POLD3: variants seen among roughly 807,000 people sequenced by gnomAD.
POLD3 encodes the protein DNA polymerase delta subunit 3.
Under a neutral mutation model 58.2 loss-of-function variants are expected in POLD3, and 19 were observed. The observed-to-expected ratio is 0.33, with a 90% CI of 0.23 to 0.48. The LOEUF is 0.48. Ranked by LOEUF, POLD3 falls within the 20% of genes least tolerant of loss-of-function variation. The pLI, the probability that POLD3 is intolerant of heterozygous loss-of-function variation, is 0.99. For synonymous variants in POLD3, 172 were observed against 193.5 expected (o/e 0.89, Z 0.92); for missense variants, 504 against 545.5 (o/e 0.92, Z 0.76).
At position 74,655,179 on chromosome 11, in the gene POLD3, A is replaced by G. The variant is rs77830226; in HGVS notation, c.370-13598A>G. Among the ~76,000 whole-genome samples the G allele has an allele frequency of 5.3e-3, 804 of 152,388 alleles. 7 individuals are homozygous for G. Among genetic ancestry groups the G allele is most frequent in the African/African-American group, 0.019 (777 of 41,592 alleles). On this transcript the variant is annotated intron_variant, in intron 4 of 4. Coordinates refer to the POLD3 transcript ENST00000524752. Reference sequence around the variant, plus strand: ...AGTAGAAGTCTTACTGGCTCAAGGTATTTGAGCACAACCTCTGATCAATCA... The same window carrying G: ...AGTAGAAGTCTTACTGGCTCAAGGTGTTTGAGCACAACCTCTGATCAATCA...
intron 8 of POLD3, among the ~76,000 whole-genome samples, chr11:74,627,217 T>C (rs1431780184): frequency 2.0e-5 from 3 of 152,166 alleles, no homozygotes; most frequent in South Asian, 2.1e-4. Context: ...ACAATGATCA[T>C]TGATGATCCT....
At position 74,641,268 on chromosome 11, in the gene POLD3, GTAAGTCT is replaced by G; in HGVS notation, c.*504_*510del. 1 of 985,510 alleles carries G rather than the reference GTAAGTCT, an allele frequency of 1.0e-6. No individual in the cohort carries two copies. The allele number at this position is 985,510 out of a possible 1,614,324, so 61.0% of individuals were successfully genotyped here. A position where few individuals can be genotyped will look rare whatever the true frequency, so the allele number is the denominator to read the frequency against. ...CCCTAACCTCCTGAGGCTGTTCTCTGTAAGTCTTTTAAGTTTTGGTTGGACTAAAGGC... is the reference window on the plus strand; with the variant it reads ...CCCTAACCTCCTGAGGCTGTTCTCTGTTTAAGTTTTGGTTGGACTAAAGGC... On this transcript the variant is annotated 3_prime_UTR_variant, in exon 12 of 12. Coordinates refer to ENST00000263681, the MANE Select transcript of POLD3 (RefSeq NM_006591.3).
intron 3 of POLD3, among the ~76,000 whole-genome samples, chr11:74,609,132 G>C (rs1489917565): frequency 6.6e-6 from 1 of 151,682 alleles, no homozygotes; most frequent in Non-Finnish European, 1.5e-5. Context: ...TTTCTTTGCA[G>C]TTCTTTGTCT....
intron 2 of POLD3, among the ~76,000 whole-genome samples, chr11:74,595,753 G>C (rs2031224440): frequency 6.6e-6 from 1 of 152,106 alleles, no homozygotes; most frequent in Non-Finnish European, 1.5e-5. Flanking sequence ...GAGTAGCCGG[G>C]ACTACAGGTG....
chr11:74,664,109 T>C (rs1163414865), intron 4 of POLD3, among the ~76,000 whole-genome samples: 1 of 152,220 alleles, frequency 6.6e-6, no homozygotes, highest in Non-Finnish European at 1.5e-5. Flanking sequence ...CCCATTAGAA[T>C]GGCTAAAATC....
At chr11:74,665,317 C>CT (rs1483622203) in intron 4 of POLD3, among the ~76,000 whole-genome samples, 1 of 79,434 alleles carries the variant, frequency 1.3e-5, no homozygotes, top group Non-Finnish European at 2.8e-5. Flanking sequence ...GAGCAAGACT[C>CT]TGTCTCAAAA....
At chr11:74,604,853 A>G in intron 3 of POLD3, 59 bp downstream of exon 3, 1 of 930,062 alleles carries the variant, frequency 1.1e-6, no homozygotes, top group Non-Finnish European at 1.8e-6. Flanking sequence ...AGAGTGTTAT[A>G]ACATAGTTCA....
intron 3 of POLD3, among the ~76,000 whole-genome samples, chr11:74,607,030 A>G (rs1178874376): frequency 1.1e-4 from 16 of 151,962 alleles, no homozygotes. Context: ...AGCTCTGTGG[A>G]ACCCTGTAGA....
chr11:74,619,072 G>C (rs532471830), intron 6 of POLD3, among the ~76,000 whole-genome samples: 1 of 152,184 alleles, frequency 6.6e-6, no homozygotes, highest in East Asian at 1.9e-4. Flanking sequence ...GTGAAACCCA[G>C]ATGAAAACAT....
chr11:74,643,736 G>A (rs1026087827), downstream of POLD3, among the ~76,000 whole-genome samples: 7 of 152,174 alleles, frequency 4.6e-5, no homozygotes, highest in African/African-American at 1.7e-4. Context: ...GTAGATAATG[G>A]GAGCCAACTG....
At chr11:74,594,261 G>C in intron 2 of POLD3, 145 bp downstream of exon 2, 1 of 613,066 alleles carries the variant, frequency 1.6e-6, no homozygotes, top group Middle Eastern at 3.7e-4. Flanking sequence ...GCTTGTAGCT[G>C]CGTAATTCCA....
At chr11:74,648,977 A>C (rs1453135144) in intron 4 of POLD3, among the ~76,000 whole-genome samples, 2 of 152,158 alleles carry the variant, frequency 1.3e-5, no homozygotes, top group Non-Finnish European at 2.9e-5. Flanking sequence ...GTGACTTCAA[A>C]TGTGGAATGA....
intron 4 of POLD3, among the ~76,000 whole-genome samples, chr11:74,663,351 G>C (rs537182240): frequency 6.6e-6 from 1 of 152,334 alleles, no homozygotes; most frequent in South Asian, 2.1e-4. Context: ...TTTCTAGTAG[G>C]CTTTTTTGTA....
At chr11:74,614,603 A>C (rs4584608) in intron 5 of POLD3, among the ~76,000 whole-genome samples, 28 of 151,870 alleles carry the variant, frequency 1.8e-4, no homozygotes, top group Admixed American at 1.3e-4. Flanking sequence ...CCAGCTGCTC[A>C]GGAGGCTGAA....
At chr11:74,608,355 A>G (rs1039204243) in intron 3 of POLD3, among the ~76,000 whole-genome samples, 5 of 152,146 alleles carry the variant, frequency 3.3e-5, no homozygotes, top group African/African-American at 9.7e-5. Context: ...TTCTGGGCTC[A>G]AGTGATCCTC....
intron 4 of POLD3, among the ~76,000 whole-genome samples, chr11:74,663,159 T>C (rs1218642408): frequency 6.6e-6 from 1 of 152,244 alleles, no homozygotes; most frequent in Non-Finnish European, 1.5e-5. Context: ...TTGGTGTTCC[T>C]GTGGGGAGGA....
At position 74,607,326 on chromosome 11, in the gene POLD3, GA is replaced by G. The variant is rs1488077176; in HGVS notation, c.219+2534del. Among the ~76,000 whole-genome samples the G allele has an allele frequency of 8.0e-5, 12 of 150,206 alleles. No individual in the cohort carries two copies. In the East Asian group the frequency reaches 2.3e-3, roughly 29 times the overall value. On this transcript the variant is annotated intron_variant, in intron 3 of 11. Transcript: ENST00000263681. Reference sequence around the variant, plus strand: ...CGCCCAGGCTGGAGTGCAGTGGCGTGAACTCAGCTCACTGCAAGCTCTGCCT... The same window carrying G: ...CGCCCAGGCTGGAGTGCAGTGGCGTGACTCAGCTCACTGCAAGCTCTGCCT...
chr11:74,641,115 G>C lies in POLD3; in HGVS notation c.*349G>C. ...CTCCACTCACCCTATGCCCTGGTCC[G>C]CATATGGCACAGGAATTATTCCTTC... On this transcript the variant is annotated 3_prime_UTR_variant, in exon 12 of 12. Transcript: ENST00000263681. 1 of 1,003,616 alleles carries C rather than the reference G, an allele frequency of 1.0e-6. No homozygotes were observed. The highest frequency in any genetic ancestry group is 1.2e-6 in the Non-Finnish European group (1 of 842,302). 62.2% of individuals were successfully genotyped at this position (1,003,616 alleles called of 1,614,324 possible).
At chr11:74,636,407 CTGTT>C in intron 11 of POLD3, 132 bp downstream of exon 11, 1 of 806,554 alleles carries the variant, frequency 1.2e-6, no homozygotes, top group Non-Finnish European at 2.0e-6. Context: ...GGTACTGATG[CTGTT>C]TGTCTATGGC....
Sources: gnomAD v4.1 joint callset for allele counts (sites outside exome capture counted in the v4.1 genomes callset) on GRCh38, gnomAD v4.1.1 for gene constraint, MANE v1.5 for transcripts, NCBI Gene and HGNC (gene_info 2026-07-23, HGNC 2026-07-21) for gene names.